Variants in KIAA1671 observed in about 807,000 individuals in gnomAD.
The protein encoded by KIAA1671 is KIAA1671, also known as uncharacterized protein KIAA1671.
KIAA1671 carries 52 observed loss-of-function variants against 131.2 expected under a neutral mutation model. The ratio of observed to expected loss-of-function variants is 0.40; its 90% CI spans 0.32 to 0.50. The LOEUF (loss-of-function observed/expected upper bound fraction) is 0.50, where lower values mean the gene tolerates loss of function less well. Among genes scored for constraint, KIAA1671 ranks in the 20% least tolerant of loss-of-function variants. The probability of loss-of-function intolerance (pLI) is 0.73; values close to 1 mark genes in which losing one functional copy is unlikely to be tolerated. For missense variants in KIAA1671, 2,360 were observed against 2,364.2 expected (o/e 1.00, Z 0.04); for synonymous variants, 1,003 against 961.6 (o/e 1.04, Z -0.80).
At chr22:24,955,713 T>C (rs1253039643) in intron 1 of KIAA1671, among the ~76,000 whole-genome samples, 1 of 151,970 alleles carries the variant, frequency 6.6e-6, no homozygotes, top group South Asian at 2.1e-4. Flanking sequence ...TGGGGGCCAG[T>C]AAGCAGGCTG....
intron 4 of KIAA1671, among the ~76,000 whole-genome samples, chr22:25,035,432 G>C (rs1156700248): frequency 1.3e-5 from 2 of 152,160 alleles, no homozygotes; most frequent in East Asian, 3.9e-4. Flanking sequence ...TATGTTTTAA[G>C]AAACTTCCGT....
At chr22:25,099,664 G>A (rs911907770) in intron 6 of KIAA1671, among the ~76,000 whole-genome samples, 10 of 146,422 alleles carry the variant, frequency 6.8e-5, no homozygotes, top group South Asian at 6.7e-4. Context: ...ACAGGTGTGC[G>A]CCACCATACC....
intron 6 of KIAA1671, among the ~76,000 whole-genome samples, chr22:25,117,434 C>T (rs186779829): frequency 2.8e-4 from 42 of 152,246 alleles, no homozygotes; most frequent in Admixed American, 1.1e-3. Context: ...CATGACCACA[C>T]CCTGCACTGG....
At chr22:24,965,757 A>G (rs5996799) in intron 1 of KIAA1671, among the ~76,000 whole-genome samples, 6,635 of 151,052 alleles carry the variant, frequency 0.044, 487 homozygotes, top group African/African-American at 0.15. Context: ...AAAAAAAAAA[A>G]AAAAGAAAAG....
intron 1 of KIAA1671, among the ~76,000 whole-genome samples, chr22:24,998,700 A>G (rs1013114039): frequency 4.1e-5 from 6 of 147,286 alleles, no homozygotes; most frequent in South Asian, 2.2e-4. Context: ...CCTGGGCGAC[A>G]GAGCGAGACT....
At chr22:24,984,942 G>C (rs1456191991) in intron 1 of KIAA1671, among the ~76,000 whole-genome samples, 14 of 146,538 alleles carry the variant, frequency 9.6e-5, no homozygotes, top group African/African-American at 3.6e-4. Flanking sequence ...AAAAAAGCAG[G>C]CAAACAGCAA....
chr22:25,047,542 G>A (rs1927315307), intron 5 of KIAA1671, among the ~76,000 whole-genome samples: 1 of 149,010 alleles, frequency 6.7e-6, no homozygotes, highest in South Asian at 2.1e-4. Context: ...GTGTGATGTC[G>A]GCTCACTGCA....
intron 1 of KIAA1671, chr22:25,010,798 A>G (rs1039843760): frequency 6.6e-6 from 1 of 152,206 alleles, no homozygotes; most frequent in Non-Finnish European, 1.5e-5. Context: ...TTTTTCACAT[A>G]AAAAATCAAG....
chr22:25,169,802 A>G (rs1486890155), intron 6 of KIAA1671, among the ~76,000 whole-genome samples: 2 of 152,212 alleles, frequency 1.3e-5, no homozygotes, highest in Non-Finnish European at 2.9e-5. Flanking sequence ...GAGACCAGCA[A>G]CAGACCGGGT....
Position 25,174,462 on chromosome 22 carries a change from G to C in KIAA1671, c.4872G>C (p.Lys1624Asn). The change falls in exon 8 of 13, where the codon AAG becomes AAC. Residue 1624 changes from lysine (K) to asparagine (N), a missense_variant. Around this residue, in one of 3 missense-constraint regions of KIAA1671, gnomAD observed 1,161 missense variants for 1,204.7 expected, o/e 0.96. Transcript: ENST00000358431. ...CTCCACCGGACGCCTGCCCTGAAAA[G>C]AGAGTAGATGACTTCTCCTTCATTG... is the stretch of plus-strand genomic sequence containing the variant. Reference protein sequence around the residue: ...GPPPPDACPEKRVDDFSFIDQ... With the variant: ...GPPPPDACPENRVDDFSFIDQ... 1 of 1,534,836 alleles carries C rather than the reference G, an allele frequency of 6.5e-7. No individual in the cohort carries two copies. Among genetic ancestry groups the C allele is most frequent in the East Asian group, 2.5e-5 (1 of 40,510 alleles).
intron 1 of KIAA1671, among the ~76,000 whole-genome samples, chr22:24,979,506 C>G (rs548515691): frequency 6.6e-6 from 1 of 151,480 alleles, no homozygotes; most frequent in Non-Finnish European, 1.5e-5. Context: ...CCTGCCACCG[C>G]GCCCGGCTAA....
intron 6 of KIAA1671, among the ~76,000 whole-genome samples, chr22:25,168,081 G>A (rs1299832015): frequency 6.6e-6 from 1 of 152,180 alleles, no homozygotes; most frequent in Non-Finnish European, 1.5e-5. Flanking sequence ...TGCTGTCTCG[G>A]CTCAGTGTGG....
In KIAA1671 at chr22:25,093,830, C is replaced by CTCTG. The variant is rs1568951558; in HGVS notation, c.4530+44474_4530+44477dup. Among the ~76,000 whole-genome samples, 6 of 80,358 alleles carry CTCTG rather than the reference C, an allele frequency of 7.5e-5. No individual in the cohort carries two copies. The South Asian group carries it at 2.1e-3, about 28-fold the overall frequency. 52.7% of individuals were successfully genotyped at this position (80,358 alleles called of 152,430 possible). On this transcript the variant is annotated intron_variant, in intron 6 of 12. Transcript: ENST00000358431. ...TCTCTCTGTCTCTCTCTCTTTCTCT[C>CTCTG]TCTGTCTGTCTCTCTCTCTCTCTCT...
rs1488302418 is a variant in KIAA1671, at chr22:25,000,267, C to T, written c.-207-25366C>T. The stretch of plus-strand genomic sequence containing the variant: ...GGAGTGCAGTGGCGGGATCTCGGCT[C>T]ACTGCAAGCTCCGCCTCCCGGGTTC... On this transcript the variant is annotated intron_variant, in intron 1 of 12. Transcript: ENST00000358431. 8.4e-5 allele frequency among the ~76,000 whole-genome samples: 6 copies of T among 71,052 alleles called. 2 individuals carry two copies. The East Asian group carries it at 2.9e-3, about 34-fold the overall frequency. 46.6% of individuals were successfully genotyped at this position (71,052 alleles called of 152,430 possible). A position where few individuals can be genotyped will look rare whatever the true frequency, so the allele number is the denominator to read the frequency against.
chr22:25,091,058 A>T (rs535559829), intron 6 of KIAA1671, among the ~76,000 whole-genome samples: 1 of 152,140 alleles, frequency 6.6e-6, no homozygotes, highest in African/African-American at 2.4e-5. Context: ...TAGATAAAGT[A>T]CTAGTCCATT....
intron 6 of KIAA1671, among the ~76,000 whole-genome samples, chr22:25,157,342 T>C (rs1450262675): frequency 6.6e-6 from 1 of 152,172 alleles, no homozygotes; most frequent in East Asian, 1.9e-4. Flanking sequence ...CTTTACTTTT[T>C]TCCCCCTCAC....
At chr22:25,170,795 T>G in intron 6 of KIAA1671, 25 bp from the exon 7 acceptor site, 1 of 1,548,634 alleles carries the variant, frequency 6.5e-7, no homozygotes, top group South Asian at 1.2e-5. Flanking sequence ...CTGGTAGAAA[T>G]CTCACATCTG....
At chr22:25,189,254 C>T (rs1223441288) in intron 11 of KIAA1671, among the ~76,000 whole-genome samples, 1 of 151,514 alleles carries the variant, frequency 6.6e-6, no homozygotes, top group Non-Finnish European at 1.5e-5. Flanking sequence ...CCTGGGTTCA[C>T]ACCATTCTCC....
At chr22:25,123,789 A>G (rs140031608) in intron 6 of KIAA1671, among the ~76,000 whole-genome samples, 2 of 152,284 alleles carry the variant, frequency 1.3e-5, no homozygotes, top group East Asian at 3.9e-4. Flanking sequence ...TCCTTCCTAG[A>G]TCCCTGGCTT....
Sources: allele counts gnomAD v4.1 joint callset (sites outside exome capture counted in the v4.1 genomes callset), GRCh38; gene constraint gnomAD v4.1.1; regional missense constraint gnomAD v4.1.1; transcripts MANE v1.5; gene names NCBI Gene and HGNC (gene_info 2026-07-23, HGNC 2026-07-21).